SPTBN4: variants seen among roughly 807,000 people sequenced by gnomAD.
SPTBN4 encodes spectrin beta chain, non-erythrocytic 4.
Under a neutral mutation model 277.8 loss-of-function variants are expected in SPTBN4, and 96 were observed. The observed-to-expected ratio is 0.35, with a 90% CI of 0.29 to 0.41. The LOEUF (loss-of-function observed/expected upper bound fraction) is 0.41, where lower values mean the gene tolerates loss of function less well. Ranked by LOEUF, SPTBN4 falls within the 10% of genes least tolerant of loss-of-function variation. SPTBN4 has a pLI of 1.00. For synonymous variants in SPTBN4, 1,481 were observed against 1,580.3 expected (o/e 0.94, Z 1.49); for missense variants, 3,006 against 3,595.7 (o/e 0.84, Z 4.19).
At chr19:40,470,513 G>A (rs1483222683) in intron 1 of SPTBN4, among the ~76,000 whole-genome samples, 5 of 151,568 alleles carry the variant, frequency 3.3e-5, no homozygotes, top group Admixed American at 1.3e-4. Context: ...CACCATGTTG[G>A]CCGGGCTGGT....
rs1325494685 is a variant in SPTBN4, at chr19:40,575,725, C to T, written c.*156C>T. 23 of 947,380 alleles carry T rather than the reference C, an allele frequency of 2.4e-5. No individual in the cohort carries two copies. The highest frequency in any genetic ancestry group is 3.3e-5 in the Non-Finnish European group (22 of 663,836). 58.7% of individuals were successfully genotyped at this position (947,380 alleles called of 1,614,324 possible). A position where few individuals can be genotyped will look rare whatever the true frequency, so the allele number is the denominator to read the frequency against. ...CGGAAAGGAGGGGACTTCTCCTGCACCCCAAGAAGTGGTGGGGAGATTGCT... is the reference window on the plus strand; with the variant it reads ...CGGAAAGGAGGGGACTTCTCCTGCATCCCAAGAAGTGGTGGGGAGATTGCT... On this transcript the variant is annotated 3_prime_UTR_variant, in exon 36 of 36. Coordinates refer to ENST00000598249, the MANE Select transcript of SPTBN4 (RefSeq NM_020971.3).
chr19:40,573,568 C>G (rs531156378), intron 35 of SPTBN4, among the ~76,000 whole-genome samples: 2 of 152,164 alleles, frequency 1.3e-5, no homozygotes, highest in African/African-American at 4.8e-5. Context: ...CAGTGGCTTA[C>G]GCCTGTAATC....
Position 40,554,561 on chromosome 19 carries a change from G to A in SPTBN4, c.4999G>A (p.Glu1667Lys). The A allele has an allele frequency of 6.6e-7, 1 of 1,511,992 alleles. No individual in the cohort carries two copies. The highest frequency in any genetic ancestry group is 1.4e-5 in the African/African-American group (1 of 72,268). 93.7% of individuals were successfully genotyped at this position (1,511,992 alleles called of 1,614,324 possible). A position where few individuals can be genotyped will look rare whatever the true frequency, so the allele number is the denominator to read the frequency against. ...LQLLKKHLQL[E>K]QGVENYEESI... ...GCTGCTCAAGAAACACCTGCAGCTG[G>A]AGCAAGGCGTGGAGAACTACGAGGA... The change falls in exon 24 of 36, where the codon GAG becomes AAG. Residue 1667 changes from glutamate to lysine, a missense_variant. By Grantham distance (56) the Glu-to-Lys change is moderately conservative. Coordinates refer to ENST00000598249, the MANE Select transcript of SPTBN4 (RefSeq NM_020971.3). The surrounding 1 kb of genome is among the most constrained non-coding windows in gnomAD (Gnocchi z 5.7).
chr19:40,567,439 T>G (rs2145954281), intron 30 of SPTBN4, among the ~76,000 whole-genome samples: 1 of 152,178 alleles, frequency 6.6e-6, no homozygotes, highest in East Asian at 1.9e-4. Flanking sequence ...TTTAAAAAAG[T>G]GATTTAGCCA....
At position 40,506,284 on chromosome 19, in the gene SPTBN4, G is replaced by A. The variant is rs752130859; in HGVS notation, c.1714G>A (p.Asp572Asn). The change falls in exon 13 of 36, where the codon GAC (aspartate) becomes AAC (asparagine). Residue 572 changes from aspartate (D) to asparagine (N), a missense_variant. Coordinates refer to ENST00000598249, the MANE Select transcript of SPTBN4 (RefSeq NM_020971.3). ...ECGQHLVEAD[D>N]LLQKHGLLEG... is the part of the protein sequence containing the mutation. ...TGGGCAGCACCTGGTGGAGGCAGAC[G>A]ACCTGTTGCAGAAGCATGGACTGCT... 5 of 1,613,896 alleles carry A rather than the reference G, an allele frequency of 3.1e-6. No homozygotes were observed. The highest frequency in any genetic ancestry group is 4.2e-6 in the Non-Finnish European group (5 of 1,179,906).
At position 40,495,862 on chromosome 19, in the gene SPTBN4, TGTG is replaced by T. The variant is rs139861226; in HGVS notation, c.668+892_668+894del. ...TGAGACTCAGGCGCAGGAAGGGGCT[TGTG>T]GTGGTGTAGCTGAAGCCAGAACCCA... On this transcript the variant is annotated intron_variant, in intron 6 of 35. Transcript: ENST00000598249. Among the ~76,000 whole-genome samples the T allele has an allele frequency of 4.9e-3, 751 of 152,188 alleles. 2 individuals are homozygous for T. Among genetic ancestry groups the T allele is most frequent in the African/African-American group, 0.011 (451 of 41,514 alleles).
Position 40,557,130 on chromosome 19 carries a change from T to C in SPTBN4, c.5397T>C (p.His1799=), listed in dbSNP as rs1244902379. The part of the protein sequence containing the change: ...QMVDELIECG[H]TAAATMAEWK... ...TGGATGAGCTGATCGAGTGTGGCCA[T>C]ACAGCAGCGGCCACCATGGCCGAGT... Residue 1799 remains histidine, a synonymous_variant, in exon 26 of 36, where the codon CAT becomes CAC. Coordinates refer to ENST00000598249, the MANE Select transcript of SPTBN4 (RefSeq NM_020971.3). The C allele has an allele frequency of 1.2e-5, 20 of 1,610,928 alleles. No homozygotes were observed. The highest frequency in any genetic ancestry group is 1.7e-5 in the Non-Finnish European group (20 of 1,177,742).
At chr19:40,546,118 G>A (rs569213740) in intron 20 of SPTBN4, among the ~76,000 whole-genome samples, 7 of 150,502 alleles carry the variant, frequency 4.7e-5, no homozygotes, top group East Asian at 1.9e-4. Flanking sequence ...CCAGCTACTC[G>A]GGAGGCGGAG....
At chr19:40,484,825 A>G (rs2080051977) in intron 2 of SPTBN4, among the ~76,000 whole-genome samples, 1 of 151,780 alleles carries the variant, frequency 6.6e-6, no homozygotes, top group African/African-American at 2.4e-5. Context: ...CCAGCTACTG[A>G]GGAGGCTGAG....
chr19:40,554,619 C>T lies in SPTBN4; in HGVS notation c.5057C>T (p.Ala1686Val), dbSNP rs1189280987. 1 of 1,577,856 alleles carries T rather than the reference C, an allele frequency of 6.3e-7. No individual in the cohort carries two copies. The change falls in exon 24 of 36, where the codon GCG becomes GTG. Residue 1686 changes from alanine (A) to valine (V), a missense_variant. Transcript: ENST00000598249. This position sits in a 1 kb window ranked among gnomAD's most constrained non-coding sequence, Gnocchi z 5.7. ...SIAQLSRQCR[A>V]LLEMGHPDSE... ...GCGCAGCTGTCGCGCCAGTGCCGGGCGCTGCTGGAGATGGGGCACCCGGAC... is the reference window on the plus strand; with the variant it reads ...GCGCAGCTGTCGCGCCAGTGCCGGGTGCTGCTGGAGATGGGGCACCCGGAC...
chr19:40,573,560 G>T (rs2081173750), intron 35 of SPTBN4, among the ~76,000 whole-genome samples: 1 of 152,192 alleles, frequency 6.6e-6, no homozygotes, highest in Non-Finnish European at 1.5e-5. Flanking sequence ...GCTGGGCGCA[G>T]TGGCTTACGC....
Position 40,490,251 on chromosome 19 carries a change from G to C in SPTBN4, c.495+3G>C, listed in dbSNP as rs2080122077. ...GGACCATCATCCTGCGCTTCCAGGTGACCCTCGAGTGGCCCCTGCCAAGCC... is the reference window on the plus strand; with the variant it reads ...GGACCATCATCCTGCGCTTCCAGGTCACCCTCGAGTGGCCCCTGCCAAGCC... On this transcript the variant is annotated splice_donor_region_variant and intron_variant, in intron 4 of 35. Coordinates refer to ENST00000598249, the MANE Select transcript of SPTBN4 (RefSeq NM_020971.3). The surrounding 1 kb of genome is among the most constrained non-coding windows in gnomAD (Gnocchi z 4.3). 3.1e-6 allele frequency: 5 copies of C among 1,612,192 alleles called. No individual in the cohort carries two copies. The highest frequency in any genetic ancestry group is 4.2e-6 in the Non-Finnish European group (5 of 1,178,870).
chr19:40,575,352 C>G (rs1179843724), intron 35 of SPTBN4, 59 bp from the exon 36 acceptor site: 21 of 1,555,336 alleles, frequency 1.4e-5, no homozygotes. Context: ...CTGAAATTCA[C>G]CTATTATTCC....
At chr19:40,500,620 G>A (rs1568779713) in intron 7 of SPTBN4, among the ~76,000 whole-genome samples, 1 of 152,204 alleles carries the variant, frequency 6.6e-6, no homozygotes, top group Non-Finnish European at 1.5e-5. Context: ...AAGAGTTCAA[G>A]ACTAGCCTGG....
At chr19:40,488,856 C>T (rs2080103694) in intron 3 of SPTBN4, among the ~76,000 whole-genome samples, 2 of 151,428 alleles carry the variant, frequency 1.3e-5, no homozygotes, top group East Asian at 2.0e-4. Flanking sequence ...AGATACGAGG[C>T]GTCACTATGT....
intron 21 of SPTBN4, among the ~76,000 whole-genome samples, chr19:40,549,958 G>A (rs1039203040): frequency 3.3e-4 from 50 of 152,152 alleles, no homozygotes; most frequent in African/African-American, 9.9e-4. Flanking sequence ...CTTAAGTGCA[G>A]ACAGCAAGAA....
At chr19:40,511,141 C>T (rs1471101373) in intron 13 of SPTBN4, among the ~76,000 whole-genome samples, 1 of 152,100 alleles carries the variant, frequency 6.6e-6, no homozygotes, top group Non-Finnish European at 1.5e-5. Context: ...CGCGGTGGCT[C>T]AGGCCTGTAA....
Position 40,575,560 on chromosome 19 carries a change from C to T in SPTBN4, c.7686C>T (p.Arg2562=), listed in dbSNP as rs750353212. Residue 2562 remains arginine, a synonymous_variant, in exon 36 of 36, where the codon CGC becomes CGT. Coordinates refer to ENST00000598249, the MANE Select transcript of SPTBN4 (RefSeq NM_020971.3). The part of the protein sequence containing the change: ...REGGDRRASG[R]RK ...GCGGAGATCGCAGGGCCAGCGGGCG[C>T]AGGAAGTGACTTCCCACCCCCAGGA... is the stretch of plus-strand genomic sequence containing the variant. 6.8e-6 allele frequency: 11 copies of T among 1,609,350 alleles called. No individual in the cohort carries two copies. In the Admixed American group the frequency reaches 1.8e-4, roughly 27 times the overall value.
intron 20 of SPTBN4, among the ~76,000 whole-genome samples, chr19:40,537,884 C>T (rs2080756386): frequency 6.6e-6 from 1 of 152,150 alleles, no homozygotes; most frequent in South Asian, 2.1e-4. Flanking sequence ...AGGGTCCCAG[C>T]CAGAAACAGA....
Sources: allele counts gnomAD v4.1 joint callset (sites outside exome capture counted in the v4.1 genomes callset), GRCh38; gene constraint gnomAD v4.1.1; non-coding constraint Gnocchi (gnomAD v3.1); transcripts MANE v1.5; gene names NCBI Gene and HGNC (gene_info 2026-07-23, HGNC 2026-07-21).